SPAST: variants seen among roughly 807,000 people sequenced by gnomAD.
The protein encoded by SPAST is spastin.
SPAST carries 30 observed loss-of-function variants against 76.6 expected under a neutral mutation model. The observed-to-expected ratio is 0.39, with a 90% confidence interval of 0.29 to 0.53. The LOEUF is 0.53. Ranked by LOEUF, SPAST falls within the 20% of genes least tolerant of loss-of-function variation. The probability of loss-of-function intolerance (pLI) is 0.68; values close to 1 mark genes in which losing one functional copy is unlikely to be tolerated. For synonymous variants in SPAST, 305 were observed against 281.0 expected (o/e 1.09, Z -0.86); for missense variants, 717 against 770.5 (o/e 0.93, Z 0.82).
At position 32,073,385 on chromosome 2, in the gene SPAST, C is replaced by T. The variant is rs180796799; in HGVS notation, c.415+9139C>T. ...TCCCTAACACTTCCTGCCTCTTTTC[C>T]GCTGTCTTACTCTCTCTGTTCCACC... On this transcript the variant is annotated intron_variant, in intron 1 of 16. Coordinates refer to ENST00000315285, the MANE Select transcript of SPAST (RefSeq NM_014946.4). 2.3e-3 allele frequency among the ~76,000 whole-genome samples: 350 copies of T among 152,234 alleles called. 1 individual carries two copies. Among genetic ancestry groups the T allele is most frequent in the African/African-American group, 7.8e-3 (325 of 41,548 alleles).
In SPAST at chr2:32,139,837, T is replaced by TA. The variant is rs1358523004; in HGVS notation, c.1494-2054dup. Among the ~76,000 whole-genome samples the TA allele has an allele frequency of 5.2e-3, 479 of 92,978 alleles. 5 individuals are homozygous for TA. Among genetic ancestry groups the TA allele is most frequent in the African/African-American group, 0.016 (396 of 24,854 alleles). The allele number at this position is 92,978 out of a possible 152,430, so 61.0% of individuals were successfully genotyped here. ...AAGAGCAAGAATCCGTTTCCAAAATTAAAAAAAAAAAAAGAAAAAAAAAAA... is the reference window on the plus strand; with the variant it reads ...AAGAGCAAGAATCCGTTTCCAAAATTAAAAAAAAAAAAAAGAAAAAAAAAAA... On this transcript the variant is annotated intron_variant, in intron 12 of 16. Transcript: ENST00000315285.
At chr2:32,113,487 T>C (rs892815297) in intron 4 of SPAST, among the ~76,000 whole-genome samples, 1 of 152,020 alleles carries the variant, frequency 6.6e-6, no homozygotes, top group Non-Finnish European at 1.5e-5. Context: ...TACTTTTTTT[T>C]CCTCTGTACA....
chr2:32,114,938 T>A (rs112579563), intron 5 of SPAST, 113 bp downstream of exon 5: 7 of 758,876 alleles, frequency 9.2e-6, no homozygotes, highest in African/African-American at 3.6e-5. Flanking sequence ...AGAGAATGGA[T>A]AAGTTTCCAT....
At chr2:32,098,132 A>G (rs2148717178) in intron 3 of SPAST, among the ~76,000 whole-genome samples, 1 of 152,226 alleles carries the variant, frequency 6.6e-6, no homozygotes, top group African/African-American at 2.4e-5. Flanking sequence ...TGCTAATTAT[A>G]TTTAATAAAT....
intron 4 of SPAST, among the ~76,000 whole-genome samples, chr2:32,110,736 CTGTATAGTA>C (rs1558320097): frequency 1.7e-5 from 2 of 119,018 alleles, no homozygotes; most frequent in Non-Finnish European, 1.7e-5. Context: ...ATATAGTACA[CTGTATAGTA>C]TATATAGTAT....
In SPAST at chr2:32,072,598, A is replaced by G. The variant is rs368466801; in HGVS notation, c.415+8352A>G. On this transcript the variant is annotated intron_variant, in intron 1 of 16. Coordinates refer to ENST00000315285, the MANE Select transcript of SPAST (RefSeq NM_014946.4). Reference sequence around the variant, plus strand: ...TTGGCAAGGGGAGGGTCCATGAGTCAGTTGGGGGTCTTAGAGTTTTATTTT... The same window carrying G: ...TTGGCAAGGGGAGGGTCCATGAGTCGGTTGGGGGTCTTAGAGTTTTATTTT... 2.6e-5 allele frequency among the ~76,000 whole-genome samples: 4 copies of G among 152,280 alleles called. No individual in the cohort carries two copies. The East Asian group carries it at 7.7e-4, about 29-fold the overall frequency.
At chr2:32,102,286 G>T (rs1276094772) in intron 4 of SPAST, among the ~76,000 whole-genome samples, 1 of 152,182 alleles carries the variant, frequency 6.6e-6, no homozygotes, top group Non-Finnish European at 1.5e-5. Context: ...TGTTATTGGT[G>T]TATAGGAATG....
chr2:32,126,908 T>G, intron 7 of SPAST, 40 bp from the exon 8 acceptor site: 1 of 1,394,312 alleles, frequency 7.2e-7, no homozygotes, highest in South Asian at 1.2e-5. Flanking sequence ...TTAAAATGTC[T>G]CTAGAATCAT....
chr2:32,096,302 G>T (rs929887427), intron 3 of SPAST, among the ~76,000 whole-genome samples: 2 of 152,170 alleles, frequency 1.3e-5, no homozygotes, highest in Non-Finnish European at 2.9e-5. Flanking sequence ...GGGCATGGGG[G>T]CACCCACCTG....
At chr2:32,105,619 TG>T (rs1372243225) in intron 4 of SPAST, among the ~76,000 whole-genome samples, 1 of 152,196 alleles carries the variant, frequency 6.6e-6, no homozygotes, top group Non-Finnish European at 1.5e-5. Context: ...TTGATGATGG[TG>T]ACGTACAGAT....
intron 16 of SPAST, among the ~76,000 whole-genome samples, chr2:32,150,073 T>G (rs1246180490): frequency 6.8e-6 from 1 of 146,582 alleles, no homozygotes; most frequent in Non-Finnish European, 1.5e-5. Flanking sequence ...CTTTCTTTCT[T>G]TTTTTTTTTT....
chr2:32,127,588 C>A (rs1267535368), intron 8 of SPAST: 1 of 151,664 alleles, frequency 6.6e-6, no homozygotes, highest in Non-Finnish European at 1.5e-5. Flanking sequence ...TATTGAGTAT[C>A]TTTCTAACCC....
At chr2:32,092,118 C>T (rs1002388973) in intron 3 of SPAST, among the ~76,000 whole-genome samples, 7 of 152,098 alleles carry the variant, frequency 4.6e-5, no homozygotes, top group African/African-American at 1.7e-4. Flanking sequence ...AATTCATTTA[C>T]TCCTATATGG....
At chr2:32,103,462 C>A (rs1678202593) in intron 4 of SPAST, among the ~76,000 whole-genome samples, 1 of 152,086 alleles carries the variant, frequency 6.6e-6, no homozygotes, top group African/African-American at 2.4e-5. Flanking sequence ...GTGTCTCTAT[C>A]TCCTTCATTT....
chr2:32,063,784 C>A lies in SPAST; in HGVS notation c.-48C>A. 1 of 1,541,952 alleles carries A rather than the reference C, an allele frequency of 6.5e-7. No homozygotes were observed. Among genetic ancestry groups the A allele is most frequent in the East Asian group, 2.4e-5 (1 of 41,282 alleles). ...GCTGCCGCCGTCGCTTGGTTCCCGT[C>A]GGTCTGCGGGAGGCGGGTTATGGCG... On this transcript the variant is annotated 5_prime_UTR_variant, in exon 1 of 17. Transcript: ENST00000315285.
intron 1 of SPAST, among the ~76,000 whole-genome samples, chr2:32,081,255 C>G (rs758745559): frequency 1.3e-5 from 2 of 152,028 alleles, no homozygotes; most frequent in African/African-American, 4.8e-5. Flanking sequence ...CCTCACCTGG[C>G]GTTTTTTTGT....
At chr2:32,125,110 G>T (rs1012698079) in intron 7 of SPAST, among the ~76,000 whole-genome samples, 1 of 152,096 alleles carries the variant, frequency 6.6e-6, no homozygotes, top group Non-Finnish European at 1.5e-5. Context: ...GATATTCAGA[G>T]TAGGGGAAAT....
At chr2:32,096,302 G>A (rs929887427) in intron 3 of SPAST, among the ~76,000 whole-genome samples, 2 of 152,170 alleles carry the variant, frequency 1.3e-5, no homozygotes, top group Admixed American at 6.5e-5. Context: ...GGGCATGGGG[G>A]CACCCACCTG....
intron 1 of SPAST, among the ~76,000 whole-genome samples, chr2:32,086,665 G>A (rs933285927): frequency 1.3e-5 from 2 of 151,862 alleles, no homozygotes; most frequent in Non-Finnish European, 2.9e-5. Flanking sequence ...GGCTGAGACA[G>A]CAGAATCGCT....
Sources: gnomAD v4.1 joint callset for allele counts (sites outside exome capture counted in the v4.1 genomes callset) on GRCh38, gnomAD v4.1.1 for gene constraint, MANE v1.5 for transcripts, NCBI Gene and HGNC (gene_info 2026-07-23, HGNC 2026-07-21) for gene names.